TOGARAM1: variants seen among roughly 807,000 people sequenced by gnomAD.
The protein encoded by TOGARAM1 is TOG array regulator of axonemal microtubules protein 1.
In TOGARAM1, 100 loss-of-function variants were observed where a neutral mutation model predicts 166.6. That is an observed-to-expected ratio of 0.60 (90% CI 0.51 to 0.71). The LOEUF is 0.71. Ranked by LOEUF, TOGARAM1 falls within the 30% of genes least tolerant of loss-of-function variation. The pLI is 0.00. For synonymous variants in TOGARAM1, 758 were observed against 763.8 expected, an observed-to-expected ratio of 0.99 and a Z score of 0.13; for missense variants, 2,029 against 2,102.7, an observed-to-expected ratio of 0.96 and a Z score of 0.69.
chr14:45,026,874 GCTGTGCGT>G (rs1880878228), intron 8 of TOGARAM1, among the ~76,000 whole-genome samples: 1 of 151,828 alleles, frequency 6.6e-6, no homozygotes, highest in African/African-American at 2.4e-5. Flanking sequence ...CAGGCCTGGT[GCTGTGCGT>G]CTGTAGTCCT....
rs1211386800 is a variant in TOGARAM1, at chr14:44,964,237, C to T, written c.1816C>T (p.His606Tyr). Reference sequence around the variant, plus strand: ...CGGGGGTAGGTCAAACCATTTGGCACATGGAGCAGATACGGACTGGCTTTT... The same window carrying T: ...CGGGGGTAGGTCAAACCATTTGGCATATGGAGCAGATACGGACTGGCTTTT... ...SAGGRSNHLA[H>Y]GADTDWLLAG... Residue 606 changes from histidine to tyrosine, a missense_variant, in exon 1 of 20, where the codon CAT becomes TAT. By Grantham distance (83) the His-to-Tyr change is moderately conservative (BLOSUM62 2). Transcript: ENST00000361462. The T allele has an allele frequency of 3.1e-6, 5 of 1,614,170 alleles. No homozygotes were observed. The highest frequency in any genetic ancestry group is 4.5e-5 in the East Asian group (2 of 44,882).
chr14:45,059,626 A>G (rs942035257), intron 16 of TOGARAM1, among the ~76,000 whole-genome samples: 2 of 152,138 alleles, frequency 1.3e-5, no homozygotes, highest in African/African-American at 2.4e-5. Flanking sequence ...ATTGCACTCC[A>G]ACCTGGGCGA....
rs138433309 is a variant in TOGARAM1 at position 45,041,173 on chromosome 14, C to T, written c.3813-2513C>T. Among the ~76,000 whole-genome samples the T allele has an allele frequency of 2.0e-4, 30 of 152,210 alleles. No homozygotes were observed. In the East Asian group the frequency reaches 3.3e-3, roughly 17 times the overall value. On this transcript the variant is annotated intron_variant, in intron 11 of 19. Transcript: ENST00000361462. ...ATCTTAGCACTTTGGGAGGCCAAGG[C>T]GGGCAGATCACTTGAGGTCAGGAGT...
At chr14:45,054,648 A>AT in intron 16 of TOGARAM1, 99 bp downstream of exon 16, 1 of 787,598 alleles carries the variant, frequency 1.3e-6, no homozygotes. Context: ...ATTTGCCAAA[A>AT]TTTAATGGAG....
intron 4 of TOGARAM1, among the ~76,000 whole-genome samples, 182 bp downstream of exon 4, chr14:45,004,548 A>G (rs1019590451): frequency 3.3e-5 from 5 of 152,206 alleles, no homozygotes; most frequent in Non-Finnish European, 5.9e-5. Flanking sequence ...TTCAATTGAA[A>G]TTCTCATTTC....
At chr14:44,964,754 C>A (rs562162010) in intron 1 of TOGARAM1, among the ~76,000 whole-genome samples, 23 of 151,812 alleles carry the variant, frequency 1.5e-4, no homozygotes, top group Non-Finnish European at 2.6e-4. Flanking sequence ...CTCATTCATA[C>A]AACAAACATT....
Position 44,963,413 on chromosome 14 carries a change from C to A in TOGARAM1, c.992C>A (p.Pro331His). 1 of 1,614,184 alleles carries A rather than the reference C, an allele frequency of 6.2e-7. No homozygotes were observed. The highest frequency in any genetic ancestry group is 1.3e-5 in the African/African-American group (1 of 75,038). The change falls in exon 1 of 20, where the codon CCT (proline) becomes CAT (histidine). Residue 331 changes from proline (P) to histidine (H), a missense_variant. Pro to His is a moderately conservative substitution (Grantham distance 77). Coordinates refer to ENST00000361462, the MANE Select transcript of TOGARAM1 (RefSeq NM_001308120.2). ...YYLELEASGF[P>H]EDPLPCAVTL... ...TTGGAACTTGAAGCCTCTGGATTTC[C>A]TGAAGATCCCCTTCCCTGTGCAGTG... is the stretch of plus-strand genomic sequence containing the variant.
intron 7 of TOGARAM1, among the ~76,000 whole-genome samples, chr14:45,024,572 C>T (rs938149364): frequency 9.9e-5 from 15 of 152,046 alleles, no homozygotes; most frequent in South Asian, 2.1e-4. Flanking sequence ...TCTGATCATT[C>T]GTCTCTTGAT....
At chr14:45,038,957 T>C (rs534127938) in intron 11 of TOGARAM1, among the ~76,000 whole-genome samples, 1 of 152,276 alleles carries the variant, frequency 6.6e-6, no homozygotes, top group South Asian at 2.1e-4. Context: ...TGTCCTGACA[T>C]CTGTGCAACC....
intron 13 of TOGARAM1, among the ~76,000 whole-genome samples, chr14:45,045,547 A>G (rs202171655): frequency 0.13 from 2,706 of 20,438 alleles, 236 homozygotes; most frequent in African/African-American, 0.33. Flanking sequence ...GTGTGTGTAT[A>G]TATATATATA....
At chr14:45,019,351 G>A (rs1300290736) in intron 7 of TOGARAM1, among the ~76,000 whole-genome samples, 1 of 151,982 alleles carries the variant, frequency 6.6e-6, no homozygotes, top group African/African-American at 2.4e-5. Flanking sequence ...AATCCAGGCT[G>A]CATAGTCTTC....
intron 11 of TOGARAM1, among the ~76,000 whole-genome samples, chr14:45,038,714 T>A (rs775298789): frequency 1.3e-5 from 2 of 152,142 alleles, no homozygotes; most frequent in Non-Finnish European, 2.9e-5. Context: ...CACCTTCTCG[T>A]TGCCCACAAT....
At chr14:45,004,978 A>C (rs1253772923) in intron 4 of TOGARAM1, among the ~76,000 whole-genome samples, 1 of 151,750 alleles carries the variant, frequency 6.6e-6, no homozygotes, top group Non-Finnish European at 1.5e-5. Context: ...ACTGGAGTGC[A>C]ATGGTGCGAT....
chr14:44,986,878 T>C (rs975382240), intron 1 of TOGARAM1, among the ~76,000 whole-genome samples: 5 of 149,222 alleles, frequency 3.4e-5, no homozygotes, highest in Admixed American at 2.0e-4. Context: ...TGGTGGCGGG[T>C]GCCTGTAGTC....
intron 14 of TOGARAM1, among the ~76,000 whole-genome samples, chr14:45,050,932 T>A (rs1045051152): frequency 6.6e-6 from 1 of 152,126 alleles, no homozygotes; most frequent in Non-Finnish European, 1.5e-5. Context: ...TGGTTCTTTT[T>A]GTGCCATATA....
chr14:45,028,065 C>T, intron 9 of TOGARAM1, 111 bp from the exon 10 acceptor site: 1 of 829,116 alleles, frequency 1.2e-6, no homozygotes, highest in East Asian at 2.7e-5. Flanking sequence ...CTAGGACACA[C>T]TTAAGTAGTG....
Position 45,008,900 on chromosome 14 carries a change from C to T in TOGARAM1, c.2905-13C>T. The T allele has an allele frequency of 1.3e-6, 2 of 1,580,586 alleles. No homozygotes were observed. Among genetic ancestry groups the T allele is most frequent in the Admixed American group, 1.9e-5 (1 of 52,696 alleles). ...TTTATGTTATAAAGTTTATTGTTTTCATTTTTTCTTAGATGCATAGCTCTC... is the reference window on the plus strand; with the variant it reads ...TTTATGTTATAAAGTTTATTGTTTTTATTTTTTCTTAGATGCATAGCTCTC... On this transcript the variant is annotated splice_polypyrimidine_tract_variant and intron_variant, in intron 5 of 19. Coordinates refer to ENST00000361462, the MANE Select transcript of TOGARAM1 (RefSeq NM_001308120.2).
At chr14:44,974,944 A>G (rs1886098124) in intron 1 of TOGARAM1, among the ~76,000 whole-genome samples, 2 of 151,914 alleles carry the variant, frequency 1.3e-5, no homozygotes, top group Middle Eastern at 3.5e-3. Context: ...GTAATGTACA[A>G]TTAAGGTGAG....
At chr14:45,003,162 G>A (rs1228833178) in intron 3 of TOGARAM1, among the ~76,000 whole-genome samples, 1 of 151,998 alleles carries the variant, frequency 6.6e-6, no homozygotes, top group African/African-American at 2.4e-5. Flanking sequence ...TTTGGTATAA[G>A]TAGAGATTTT....
Sources: gnomAD v4.1 joint callset for allele counts (sites outside exome capture counted in the v4.1 genomes callset) on GRCh38, gnomAD v4.1.1 for gene constraint, MANE v1.5 for transcripts, NCBI Gene and HGNC (gene_info 2026-07-23, HGNC 2026-07-21) for gene names.